The following PEX5L variants were observed in gnomAD, a reference collection of about 807,000 sequenced individuals.
PEX5L encodes the protein PEX5-related protein.
In PEX5L, 30 loss-of-function variants were observed where a neutral mutation model predicts 84.0. The ratio of observed to expected loss-of-function variants is 0.36; its 90% CI spans 0.27 to 0.48. PEX5L has a LOEUF of 0.48. PEX5L is among the 20% of genes least tolerant of loss of function. The pLI is 0.99. For missense variants in PEX5L, 533 were observed against 754.6 expected (o/e 0.71, Z 3.44); for synonymous variants, 270 against 283.1 (o/e 0.95, Z 0.46).
At chr3:179,885,507 G>T (rs912415206) in intron 4 of PEX5L, among the ~76,000 whole-genome samples, 1 of 152,116 alleles carries the variant, frequency 6.6e-6, no homozygotes, top group East Asian at 1.9e-4. Flanking sequence ...TCAGCCAGTC[G>T]TGGTGGCAGG....
At chr3:179,887,412 T>C (rs527973445) in intron 4 of PEX5L, among the ~76,000 whole-genome samples, 1 of 152,356 alleles carries the variant, frequency 6.6e-6, no homozygotes, top group South Asian at 2.1e-4. Context: ...AGACTTTAGA[T>C]ATAAATATGC....
intron 1 of PEX5L, among the ~76,000 whole-genome samples, chr3:179,984,367 T>C (rs1216444103): frequency 6.6e-6 from 1 of 152,120 alleles, no homozygotes; most frequent in Non-Finnish European, 1.5e-5. Context: ...TTTTTGGAAA[T>C]GAAGTTTTTA....
At chr3:179,808,540 A>G in intron 12 of PEX5L, 103 bp from the exon 13 acceptor site, 1 of 911,418 alleles carries the variant, frequency 1.1e-6, no homozygotes, top group Non-Finnish European at 1.5e-6. Flanking sequence ...TCTTCGTTAC[A>G]GACTGGAAAA....
rs1287447970 is a variant in PEX5L, at chr3:179,819,985, CA to C, written c.823-10del. On this transcript the variant is annotated splice_polypyrimidine_tract_variant and intron_variant, in intron 8 of 14. Coordinates refer to ENST00000467460, the MANE Select transcript of PEX5L (RefSeq NM_016559.3). ...CAAAACTCTGTATCTGACTGGGAGACAGGAAAAATGAATGGAGATGGATTTA... is the reference window on the plus strand; with the variant it reads ...CAAAACTCTGTATCTGACTGGGAGACGGAAAAATGAATGGAGATGGATTTA... 3.1e-6 allele frequency: 5 copies of C among 1,612,498 alleles called. No individual in the cohort carries two copies. The African/African-American group carries it at 6.7e-5, about 22-fold the overall frequency.
At chr3:179,951,657 G>A (rs1294735428) in intron 2 of PEX5L, among the ~76,000 whole-genome samples, 7 of 152,088 alleles carry the variant, frequency 4.6e-5, no homozygotes, top group South Asian at 2.1e-4. Flanking sequence ...GACCACTTAG[G>A]AGATCTTATA....
rs566859478 is a variant in PEX5L at position 179,861,950 on chromosome 3, T to C, written c.727-2793A>G. ...CTTCTTGACCCTTGTGTTAGTTTCT[T>C]ATGGCTAGTGTAACAAATATAAACT... On this transcript the variant is annotated intron_variant, in intron 7 of 14. Transcript: ENST00000467460. Among the ~76,000 whole-genome samples, 3 of 152,312 alleles carry C rather than the reference T, an allele frequency of 2.0e-5. No individual in the cohort carries two copies. In the East Asian group the frequency reaches 5.8e-4, roughly 29 times the overall value.
At chr3:179,964,670 T>C (rs1389709796) in intron 2 of PEX5L, among the ~76,000 whole-genome samples, 1 of 152,136 alleles carries the variant, frequency 6.6e-6, no homozygotes, top group Non-Finnish European at 1.5e-5. Flanking sequence ...AAAGAAGACA[T>C]ACACACAGTC....
chr3:179,922,318 C>G (rs554275940), intron 2 of PEX5L, among the ~76,000 whole-genome samples: 1 of 152,270 alleles, frequency 6.6e-6, no homozygotes, highest in South Asian at 2.1e-4. Flanking sequence ...GGAGAAAGCA[C>G]AAGATGCTAC....
chr3:179,828,435 C>A (rs1393145673), intron 8 of PEX5L, among the ~76,000 whole-genome samples: 1 of 152,130 alleles, frequency 6.6e-6, no homozygotes, highest in African/African-American at 2.4e-5. Flanking sequence ...TTTCTAGAAG[C>A]AGCAACTTTC....
intron 4 of PEX5L, among the ~76,000 whole-genome samples, chr3:179,886,679 C>T (rs932207139): frequency 2.6e-5 from 4 of 152,120 alleles, no homozygotes; most frequent in Non-Finnish European, 5.9e-5. Context: ...AATATGACCT[C>T]ACATAACAAG....
chr3:179,849,049 G>T (rs560332380), intron 8 of PEX5L, among the ~76,000 whole-genome samples: 15 of 152,286 alleles, frequency 9.8e-5, no homozygotes, highest in African/African-American at 3.1e-4. Context: ...CTGCTAGTTT[G>T]GGACTTTTAT....
intron 1 of PEX5L, among the ~76,000 whole-genome samples, chr3:179,997,283 T>C (rs1787973351): frequency 1.3e-5 from 2 of 152,320 alleles, no homozygotes; most frequent in South Asian, 4.1e-4. Flanking sequence ...AACAGCATTG[T>C]GGTCCTCCAG....
Position 179,832,183 on chromosome 3 carries a change from C to T in PEX5L, c.823-12207G>A, listed in dbSNP as rs534189943. On this transcript the variant is annotated intron_variant, in intron 8 of 14. Transcript: ENST00000467460. ...GGATTTGAGAGATCTTTAATAGAAT[C>T]CATAGGACTTGGTGTTTGATTAGAT... Among the ~76,000 whole-genome samples the T allele has an allele frequency of 5.3e-5, 8 of 151,932 alleles. No homozygotes were observed. The East Asian group carries it at 1.4e-3, about 26-fold the overall frequency.
chr3:179,801,596 G>A lies in PEX5L; in HGVS notation c.*232C>T. On this transcript the variant is annotated 3_prime_UTR_variant, in exon 15 of 15. Transcript: ENST00000467460. ...CAGTTACTTTATCTTGGTTTGTCTT[G>A]AGTCTCTTAATTCTTCTTTTGAGCC... 2.0e-6 allele frequency: 1 copy of A among 507,948 alleles called. No individual in the cohort carries two copies. The allele number at this position is 507,948 out of a possible 1,614,324, so 31.5% of individuals were successfully genotyped here.
chr3:180,026,133 C>CTTTT (rs368852075), intron 1 of PEX5L, among the ~76,000 whole-genome samples: 1,515 of 101,588 alleles, frequency 0.015, 29 homozygotes, highest in South Asian at 0.025. Context: ...TTTCAGCATT[C>CTTTT]TTTTTTTTTT....
At position 179,801,384 on chromosome 3, in the gene PEX5L, C is replaced by A. The variant is rs138305570; in HGVS notation, c.*444G>T. The A allele has an allele frequency of 4.0e-5, 7 of 174,222 alleles. No individual in the cohort carries two copies. Among genetic ancestry groups the A allele is most frequent in the Non-Finnish European group, 6.3e-5 (5 of 79,530 alleles). The allele number at this position is 174,222 out of a possible 1,614,324, so 10.8% of individuals were successfully genotyped here. A position where few individuals can be genotyped will look rare whatever the true frequency, so the allele number is the denominator to read the frequency against. On this transcript the variant is annotated 3_prime_UTR_variant, in exon 15 of 15. Coordinates refer to ENST00000467460, the MANE Select transcript of PEX5L (RefSeq NM_016559.3). ...TATGTGCATGCACCAATGGCCCAAA[C>A]TATGTTCAGTCTTGCAAAAGAAGAC...
Position 179,903,531 on chromosome 3 carries a change from G to A in PEX5L, c.94-5285C>T, listed in dbSNP as rs890323969. ...AGGTGTGAGTCACCATACCTGGCAC[G>A]GTCTTTAGTTTTGCATATACTAAAA... On this transcript the variant is annotated intron_variant, in intron 2 of 14. Coordinates refer to ENST00000467460, the MANE Select transcript of PEX5L (RefSeq NM_016559.3). 5.3e-5 allele frequency among the ~76,000 whole-genome samples: 8 copies of A among 152,062 alleles called. 1 individual carries two copies. The South Asian group carries it at 1.7e-3, about 31-fold the overall frequency.
At chr3:179,999,135 T>C (rs184309728) in intron 1 of PEX5L, among the ~76,000 whole-genome samples, 30 of 152,350 alleles carry the variant, frequency 2.0e-4, no homozygotes, top group Non-Finnish European at 1.2e-4. Flanking sequence ...ATGGTTTGGC[T>C]GGATGGTCAG....
intron 3 of PEX5L, among the ~76,000 whole-genome samples, chr3:179,895,173 A>G (rs1307252194): frequency 1.3e-5 from 2 of 152,166 alleles, no homozygotes; most frequent in African/African-American, 4.8e-5. Flanking sequence ...TAGCCAATAT[A>G]TCAAAAAATC....
Sources: allele counts gnomAD v4.1 joint callset (sites outside exome capture counted in the v4.1 genomes callset), GRCh38; gene constraint gnomAD v4.1.1; transcripts MANE v1.5; gene names NCBI Gene and HGNC (gene_info 2026-07-23, HGNC 2026-07-21).